The following NEDD4 variants were observed in gnomAD, a reference collection of about 807,000 sequenced individuals.
NEDD4 encodes NEDD4 E3 ubiquitin protein ligase.
A neutral mutation model predicts 144.9 loss-of-function variants in NEDD4; 99 were observed. That is an observed-to-expected ratio of 0.68 (90% CI 0.58 to 0.81). The LOEUF is 0.81. Among genes scored for constraint, NEDD4 ranks in the 30% least tolerant of loss-of-function variants. NEDD4 has a pLI of 0.00. For synonymous variants in NEDD4, 318 were observed against 350.6 expected, an observed-to-expected ratio of 0.91 and a Z score of 1.04; for missense variants, 985 against 1,065.9, an observed-to-expected ratio of 0.92 and a Z score of 1.06.
At chr15:55,938,630 A>C (rs754076962) in intron 4 of NEDD4, among the ~76,000 whole-genome samples, 4 of 152,102 alleles carry the variant, frequency 2.6e-5, no homozygotes, top group Non-Finnish European at 5.9e-5. Context: ...TTTAACTAAA[A>C]AGCTATATGA....
intron 18 of NEDD4, among the ~76,000 whole-genome samples, chr15:55,844,418 G>A (rs2033653566): frequency 6.6e-6 from 1 of 152,084 alleles, no homozygotes; most frequent in African/African-American, 2.4e-5. Flanking sequence ...GAATAGCTGA[G>A]TGAGAGAAGA....
At position 55,993,567 on chromosome 15, in the gene NEDD4, T is replaced by G; in HGVS notation, c.-12A>C. On this transcript the variant is annotated 5_prime_UTR_variant, in exon 1 of 29. Coordinates refer to ENST00000435532, the MANE Select transcript of NEDD4 (RefSeq NM_006154.4). ...GCGCAAGTTGCCATTTCCGAACGCT[T>G]CCAGCAAACCGGACGCGCTCGCCCC... 1 of 1,591,820 alleles carries G rather than the reference T, an allele frequency of 6.3e-7. No homozygotes were observed. Among genetic ancestry groups the G allele is most frequent in the East Asian group, 2.4e-5 (1 of 41,906 alleles).
chr15:55,933,364 G>T (rs34652186), intron 4 of NEDD4, among the ~76,000 whole-genome samples: 10,441 of 152,118 alleles, frequency 0.069, 472 homozygotes, highest in Non-Finnish European at 0.1. Context: ...AAAAGGATGA[G>T]TTAATGGCCT....
At chr15:55,953,397 T>A (rs2142306262) in intron 2 of NEDD4, among the ~76,000 whole-genome samples, 1 of 152,100 alleles carries the variant, frequency 6.6e-6, no homozygotes, top group Non-Finnish European at 1.5e-5. Flanking sequence ...GGATTGAAAC[T>A]CCAGCACCTG....
At chr15:55,907,953 T>A (rs1439296069) in intron 5 of NEDD4, among the ~76,000 whole-genome samples, 1 of 152,158 alleles carries the variant, frequency 6.6e-6, no homozygotes, top group Non-Finnish European at 1.5e-5. Context: ...AATCCTTGAG[T>A]CACGATCATA....
chr15:55,875,870 A>T (rs1349373809), intron 5 of NEDD4, among the ~76,000 whole-genome samples: 1 of 152,192 alleles, frequency 6.6e-6, no homozygotes, highest in East Asian at 1.9e-4. Flanking sequence ...CAGCCAAAAT[A>T]TTCACACATT....
chr15:55,886,011 G>A (rs570314497), intron 5 of NEDD4, among the ~76,000 whole-genome samples: 2 of 151,656 alleles, frequency 1.3e-5, no homozygotes, highest in Non-Finnish European at 2.9e-5. Context: ...GATGGAAAAA[G>A]GTACTTCATT....
intron 1 of NEDD4, among the ~76,000 whole-genome samples, chr15:55,989,781 C>G (rs144866037): frequency 6.6e-6 from 1 of 152,184 alleles, no homozygotes; most frequent in South Asian, 2.1e-4. Flanking sequence ...TTTGGAAGAG[C>G]TGGAAGAGTA....
intron 4 of NEDD4, among the ~76,000 whole-genome samples, chr15:55,932,108 C>G (rs973036267): frequency 6.6e-6 from 1 of 152,164 alleles, no homozygotes; most frequent in Non-Finnish European, 1.5e-5. Context: ...GTGGGAGGGA[C>G]CTGGTGGGAG....
chr15:55,990,900 T>C (rs954591901), intron 1 of NEDD4, among the ~76,000 whole-genome samples: 3 of 152,202 alleles, frequency 2.0e-5, no homozygotes, highest in South Asian at 4.1e-4. Context: ...GTTAACACTT[T>C]AAAGGTAAAA....
intron 1 of NEDD4, among the ~76,000 whole-genome samples, chr15:55,981,296 C>A (rs1178530259): frequency 6.6e-6 from 1 of 152,002 alleles, no homozygotes; most frequent in Non-Finnish European, 1.5e-5. Context: ...AACTCCTGAC[C>A]TCAGGTGATC....
chr15:55,916,784 A>G (rs140975138), intron 5 of NEDD4: 29 of 1,611,734 alleles, frequency 1.8e-5, no homozygotes, highest in Middle Eastern at 3.3e-4. Flanking sequence ...ACAAAGGGTA[A>G]GTATTGCTTC....
rs1417844029 is a variant in NEDD4 at position 55,951,608 on chromosome 15, A to G, written c.120-19T>C. On this transcript the variant is annotated intron_variant, in intron 2 of 28. Coordinates refer to ENST00000435532, the MANE Select transcript of NEDD4 (RefSeq NM_006154.4). ...AGGATCACTGTTAAAAAAAAAAAAA[A>G]AAAGAAAGAAAAATTTTAATTATTG... The G allele has an allele frequency of 4.3e-5, 63 of 1,455,246 alleles. No homozygotes were observed. Among genetic ancestry groups the G allele is most frequent in the South Asian group, 7.5e-5 (5 of 67,048 alleles). 90.1% of individuals were successfully genotyped at this position (1,455,246 alleles called of 1,614,324 possible).
At chr15:55,870,100 G>C (rs1595774510) in intron 7 of NEDD4, among the ~76,000 whole-genome samples, 1 of 152,108 alleles carries the variant, frequency 6.6e-6, no homozygotes. Flanking sequence ...AATTGCAGTA[G>C]TTGAGTTTGG....
rs112753823 is a variant in NEDD4 at position 55,977,697 on chromosome 15, G to C, written c.46-11151C>G. ...CAGAGAGGAAATTTCAGTTTTCTGA[G>C]GGGAGGGATTCACAAAAATGGGAGA... On this transcript the variant is annotated intron_variant, in intron 1 of 28. Coordinates refer to ENST00000435532, the MANE Select transcript of NEDD4 (RefSeq NM_006154.4). 4.6e-5 allele frequency among the ~76,000 whole-genome samples: 7 copies of C among 151,948 alleles called. 1 individual carries two copies. The highest frequency in any genetic ancestry group is 1.7e-4 in the African/African-American group (7 of 41,484).
At chr15:55,916,507 T>G in intron 5 of NEDD4, 1 of 1,614,096 alleles carries the variant, frequency 6.2e-7, no homozygotes, top group Non-Finnish European at 8.5e-7. Context: ...GCATCATCAC[T>G]ATCAGCTAAG....
At position 55,951,656 on chromosome 15, in the gene NEDD4, C is replaced by G; in HGVS notation, c.120-67G>C. 4.3e-6 allele frequency: 5 copies of G among 1,172,360 alleles called. No individual in the cohort carries two copies. The South Asian group carries it at 1.0e-4, about 24-fold the overall frequency. 72.6% of individuals were successfully genotyped at this position (1,172,360 alleles called of 1,614,324 possible). ...TTGCTTACCCCAAGCTCAGATTACC[C>G]AGACTATAAAATTCACAGTTTTCCT... is the stretch of plus-strand genomic sequence containing the variant. On this transcript the variant is annotated intron_variant, in intron 2 of 28. Coordinates refer to ENST00000435532, the MANE Select transcript of NEDD4 (RefSeq NM_006154.4).
chr15:55,941,320 T>C (rs1390663509), intron 4 of NEDD4, among the ~76,000 whole-genome samples: 1 of 152,232 alleles, frequency 6.6e-6, no homozygotes, highest in Admixed American at 6.5e-5. Context: ...TCTTCATTTA[T>C]ATACAAGTAT....
In NEDD4 at chr15:55,952,365, A is replaced by G. The variant is rs908591254; in HGVS notation, c.120-776T>C. The stretch of plus-strand genomic sequence containing the variant: ...TAAAATAAAATAAAATAAAATAACT[A>G]GGTGTTATGTAACCACTTCTACAAG... On this transcript the variant is annotated intron_variant, in intron 2 of 28. Transcript: ENST00000435532. 2.0e-5 allele frequency among the ~76,000 whole-genome samples: 3 copies of G among 151,964 alleles called. No homozygotes were observed. In the East Asian group the frequency reaches 5.8e-4, roughly 29 times the overall value.
Sources: allele counts gnomAD v4.1 joint callset (sites outside exome capture counted in the v4.1 genomes callset), GRCh38; gene constraint gnomAD v4.1.1; transcripts MANE v1.5; gene names NCBI Gene and HGNC (gene_info 2026-07-23, HGNC 2026-07-21).